Variants in NBAS observed in about 807,000 individuals in gnomAD.
NBAS encodes the protein NBAS subunit of NRZ tethering complex.
In NBAS, 219 loss-of-function variants were observed where a neutral mutation model predicts 302.5. That is an observed-to-expected ratio of 0.72 (90% CI 0.65 to 0.81). The LOEUF (loss-of-function observed/expected upper bound fraction) is 0.81. NBAS is among the 30% of genes least tolerant of loss of function. The pLI is 0.00. For synonymous variants in NBAS, 1,118 were observed against 1,021.6 expected (o/e 1.09, Z -1.80); for missense variants, 2,932 against 2,841.6 (o/e 1.03, Z -0.72).
the NBAS span, among the ~76,000 whole-genome samples, chr2:14,787,547 C>T: frequency 8.5e-5 from 13 of 152,080 alleles, no homozygotes; most frequent in Admixed American, 2.0e-4. Flanking sequence ...CATTTGCTTG[C>T]CTGTAAAGTA....
At chr2:15,430,071 C>A (rs1228473725) in intron 21 of NBAS, among the ~76,000 whole-genome samples, 1 of 152,054 alleles carries the variant, frequency 6.6e-6, no homozygotes, top group Non-Finnish European at 1.5e-5. Context: ...GCTCCTTAAG[C>A]TACATAAAAT....
the NBAS span, among the ~76,000 whole-genome samples, chr2:14,931,831 T>A: frequency 0.086 from 13,158 of 152,280 alleles, 641 homozygotes; most frequent in African/African-American, 0.11. Flanking sequence ...ATCAAGGTAT[T>A]GTCACTTTTT....
chr2:15,377,838 T>A (rs996760017), intron 30 of NBAS, among the ~76,000 whole-genome samples: 19 of 152,210 alleles, frequency 1.2e-4, no homozygotes, highest in Non-Finnish European at 2.4e-4. Context: ...ATTATCTCAT[T>A]TTTGTAAAAC....
intron 44 of NBAS, among the ~76,000 whole-genome samples, chr2:15,251,798 T>C (rs1668376558): frequency 6.6e-6 from 1 of 152,188 alleles, no homozygotes; most frequent in African/African-American, 2.4e-5. Context: ...AGCAAGGTCT[T>C]TATGATGTGT....
the NBAS span, among the ~76,000 whole-genome samples, chr2:14,828,159 C>T: frequency 2.8e-4 from 42 of 152,204 alleles, no homozygotes; most frequent in Non-Finnish European, 3.8e-4. Context: ...GGACATGGCT[C>T]TCCTGTATCT....
intron 44 of NBAS, among the ~76,000 whole-genome samples, chr2:15,249,299 T>C (rs144215235): frequency 0.011 from 1,674 of 152,270 alleles, 19 homozygotes; most frequent in Non-Finnish European, 0.015. Context: ...AATCTAGGTA[T>C]TGATGAAACG....
intron 23 of NBAS, among the ~76,000 whole-genome samples, chr2:15,421,619 A>C (rs538915975): frequency 8.5e-4 from 122 of 143,034 alleles, no homozygotes; most frequent in African/African-American, 2.1e-3. Flanking sequence ...ACATGAAGCC[A>C]AAAAAAAAAA....
chr2:15,444,506 A>G (rs1342019161), intron 21 of NBAS, among the ~76,000 whole-genome samples: 1 of 152,076 alleles, frequency 6.6e-6, no homozygotes. Context: ...AATCAATTCA[A>G]GATGGATTAA....
the NBAS span, among the ~76,000 whole-genome samples, chr2:15,034,303 A>AGAAAGAAAGAAAGATG: frequency 1.6e-5 from 2 of 127,776 alleles, no homozygotes; most frequent in Non-Finnish European, 3.2e-5. Context: ...AAAGAAAGAA[A>AGAAAGAAAGAAAGATG]GATGGAGAGA....
the NBAS span, among the ~76,000 whole-genome samples, chr2:14,901,440 TAA>T: frequency 6.6e-4 from 99 of 150,474 alleles, no homozygotes; most frequent in African/African-American, 2.0e-3. Context: ...CAGGTAATTT[TAA>T]AAAAAAAAAT....
the NBAS span, among the ~76,000 whole-genome samples, chr2:14,999,420 G>A: frequency 6.6e-6 from 1 of 152,164 alleles, no homozygotes; most frequent in African/African-American, 2.4e-5. Flanking sequence ...ATGTTGAATT[G>A]TAATCCTAAT....
chr2:15,008,214 C>T, the NBAS span, among the ~76,000 whole-genome samples: 59,249 of 151,972 alleles, frequency 0.39, 12,245 homozygotes, highest in African/African-American at 0.45. Flanking sequence ...CTGAAGAGTC[C>T]GCATAGGGCC....
At chr2:15,114,698 T>A in the NBAS span, among the ~76,000 whole-genome samples, 27 of 152,232 alleles carry the variant, frequency 1.8e-4, no homozygotes, top group East Asian at 5.2e-3. Flanking sequence ...GATTGACAGG[T>A]GCACGTGGAA....
At chr2:15,127,274 C>T in the NBAS span, among the ~76,000 whole-genome samples, 1 of 151,666 alleles carries the variant, frequency 6.6e-6, no homozygotes, top group African/African-American at 2.4e-5. Flanking sequence ...TAAAATCTCA[C>T]TGACTTAGAT....
At chr2:15,547,535 T>TG (rs1352598988) in intron 6 of NBAS, among the ~76,000 whole-genome samples, 1 of 152,226 alleles carries the variant, frequency 6.6e-6, no homozygotes, top group East Asian at 1.9e-4. Flanking sequence ...AATATTATAA[T>TG]TTGTATAAAA....
intron 33 of NBAS, 37 bp downstream of exon 33, chr2:15,356,266 G>T: frequency 1.3e-6 from 2 of 1,500,070 alleles, no homozygotes; most frequent in South Asian, 1.1e-5. Flanking sequence ...CACATAAAGA[G>T]GACATAAGCA....
chr2:14,810,588 AC>A, the NBAS span, among the ~76,000 whole-genome samples: 670 of 152,322 alleles, frequency 4.4e-3, 2 homozygotes, highest in Middle Eastern at 0.02. Context: ...TATCAGCAGC[AC>A]AAAAACTAAT....
At chr2:14,906,269 T>C in the NBAS span, among the ~76,000 whole-genome samples, 14 of 152,304 alleles carry the variant, frequency 9.2e-5, no homozygotes, top group South Asian at 2.7e-3. Flanking sequence ...CATCTAATCC[T>C]AGAAGTAACT....
chr2:15,540,104 T>C (rs1022769320), intron 6 of NBAS, among the ~76,000 whole-genome samples: 1 of 152,252 alleles, frequency 6.6e-6, no homozygotes, highest in Non-Finnish European at 1.5e-5. Flanking sequence ...GATTTTTTAT[T>C]GTTTCGTTTG....
Sources: allele counts gnomAD v4.1 joint callset (sites outside exome capture counted in the v4.1 genomes callset), GRCh38; gene constraint gnomAD v4.1.1; transcripts MANE v1.5; gene names NCBI Gene and HGNC (gene_info 2026-07-23, HGNC 2026-07-21).